Variants in EYS observed in about 807,000 individuals in gnomAD.
The protein encoded by EYS is protein eyes shut homolog.
EYS carries 250 observed loss-of-function variants against 282.1 expected under a neutral mutation model. The ratio of observed to expected loss-of-function variants is 0.89; its 90% CI spans 0.80 to 0.98. The LOEUF is 0.98. Ranked by LOEUF, EYS falls within the 50% of genes least tolerant of loss-of-function variation. EYS has a pLI of 0.00. For synonymous variants in EYS, 1,355 were observed against 1,282.9 expected (o/e 1.06, Z -1.20); for missense variants, 4,016 against 3,709.0 (o/e 1.08, Z -2.15).
At chr6:63,788,863 C>G (rs969138521) in intron 38 of EYS, among the ~76,000 whole-genome samples, 195 bp downstream of exon 38, 3 of 152,224 alleles carry the variant, frequency 2.0e-5, no homozygotes, top group Non-Finnish European at 4.4e-5. Flanking sequence ...TCACCCTTAT[C>G]TGTGTTAGTA....
intron 39 of EYS, among the ~76,000 whole-genome samples, chr6:63,784,824 G>T (rs991246014): frequency 6.6e-6 from 1 of 152,102 alleles, no homozygotes; most frequent in East Asian, 1.9e-4. Context: ...GAGTTGACAG[G>T]GTGTCTGTTG....
intron 1 of EYS, among the ~76,000 whole-genome samples, chr6:65,662,378 G>T (rs192876650): frequency 6.6e-6 from 1 of 152,106 alleles, no homozygotes; most frequent in Admixed American, 6.5e-5. Flanking sequence ...CATTAAGGAT[G>T]AGCTTGATAT....
At position 63,806,354 on chromosome 6, in the gene EYS, G is replaced by C. The variant is rs1355664698; in HGVS notation, c.7247C>G (p.Pro2416Arg). ...LCTDAINITQ[P>R]RFSGTDAFGY... ...AAAGGCATCTGTGCCACTGAACCTTGGCTGAGTAATATTAATAGCTGTGAA... is the reference window on the plus strand; with the variant it reads ...AAAGGCATCTGTGCCACTGAACCTTCGCTGAGTAATATTAATAGCTGTGAA... Residue 2416 changes from proline to arginine, a missense_variant, in exon 37 of 43, where the codon CCA (proline) becomes CGA (arginine). By Grantham distance (103) the Pro-to-Arg change is moderately radical. Coordinates refer to ENST00000503581, the MANE Select transcript of EYS (RefSeq NM_001142800.2). The C allele has an allele frequency of 7.1e-6, 11 of 1,546,758 alleles. No homozygotes were observed. Among genetic ancestry groups the C allele is most frequent in the Non-Finnish European group, 8.7e-6 (10 of 1,144,046 alleles).
intron 1 of EYS, among the ~76,000 whole-genome samples, chr6:65,696,613 C>T (rs940326222): frequency 3.3e-5 from 5 of 151,818 alleles, no homozygotes; most frequent in Non-Finnish European, 4.4e-5. Flanking sequence ...ATATGGAAAC[C>T]TCTTCAAATT....
rs187016189 is a variant in EYS, at chr6:65,112,200, C to T, written c.2024-54473G>A. Among the ~76,000 whole-genome samples the T allele has an allele frequency of 2.6e-3, 400 of 151,984 alleles. 4 individuals carry two copies. The highest frequency in any genetic ancestry group is 1.7e-3 in the Non-Finnish European group (118 of 67,970). ...GGATACTAATAATCATGAACATTCC[C>T]GAGTATGCAAAATGACAACCTAATC... On this transcript the variant is annotated intron_variant, in intron 12 of 42. Coordinates refer to ENST00000503581, the MANE Select transcript of EYS (RefSeq NM_001142800.2).
intron 31 of EYS, among the ~76,000 whole-genome samples, chr6:64,138,195 A>AG (rs1774227156): frequency 6.6e-6 from 1 of 152,246 alleles, no homozygotes; most frequent in Non-Finnish European, 1.5e-5. Context: ...GTGAGCTGTA[A>AG]GTCGTAGACG....
chr6:64,767,196 G>C (rs147876436), intron 22 of EYS, among the ~76,000 whole-genome samples: 46 of 151,968 alleles, frequency 3.0e-4, no homozygotes, highest in African/African-American at 1.1e-3. Context: ...GTGATGTTTT[G>C]ATGTATGTAA....
At position 65,335,150 on chromosome 6, in the gene EYS, T is replaced by C. The variant is rs1582153772; in HGVS notation, c.1600-4A>G. The C allele has an allele frequency of 2.5e-6, 4 of 1,597,030 alleles. No individual in the cohort carries two copies. The highest frequency in any genetic ancestry group is 3.4e-6 in the Non-Finnish European group (4 of 1,165,882). On this transcript the variant is annotated splice_polypyrimidine_tract_variant and splice_region_variant and intron_variant, in intron 10 of 42. Transcript: ENST00000503581. Reference sequence around the variant, plus strand: ...AACTGCATCCATTTGCACAAATCTATAGCAACGAAAGAAGTAAAAATGTTA... The same window carrying C: ...AACTGCATCCATTTGCACAAATCTACAGCAACGAAAGAAGTAAAAATGTTA...
At chr6:65,096,587 A>G (rs922811217) in intron 12 of EYS, among the ~76,000 whole-genome samples, 3 of 151,022 alleles carry the variant, frequency 2.0e-5, no homozygotes, top group Non-Finnish European at 4.5e-5. Context: ...CAGAATTCAG[A>G]TATTACAAAG....
chr6:64,094,467 T>C (rs1207184930), intron 31 of EYS, among the ~76,000 whole-genome samples: 2 of 152,168 alleles, frequency 1.3e-5, no homozygotes, highest in African/African-American at 4.8e-5. Context: ...TTCCACTTCT[T>C]CCTGATTTAG....
intron 35 of EYS, among the ~76,000 whole-genome samples, chr6:63,866,373 T>C (rs140863035): frequency 6.6e-6 from 1 of 152,278 alleles, no homozygotes; most frequent in Non-Finnish European, 1.5e-5. Context: ...TCTAGGAAAG[T>C]AGCATTCTTG....
At position 65,572,495 on chromosome 6, in the gene EYS, T is replaced by C. The variant is rs570100976; in HGVS notation, c.-333+67283A>G. Among the ~76,000 whole-genome samples, 235 of 152,096 alleles carry C rather than the reference T, an allele frequency of 1.5e-3. 1 individual carries two copies. Among genetic ancestry groups the C allele is most frequent in the Non-Finnish European group, 2.9e-3 (196 of 67,998 alleles). On this transcript the variant is annotated intron_variant, in intron 2 of 42. Coordinates refer to ENST00000503581, the MANE Select transcript of EYS (RefSeq NM_001142800.2). ...ATTTTTGTCACACATGAAAAATCGATGTGGGGAAGGATAAATTATATTTCT... is the reference window on the plus strand; with the variant it reads ...ATTTTTGTCACACATGAAAAATCGACGTGGGGAAGGATAAATTATATTTCT...
intron 12 of EYS, among the ~76,000 whole-genome samples, chr6:65,240,905 T>G (rs181280307): frequency 1.8e-4 from 27 of 152,348 alleles, no homozygotes; most frequent in Non-Finnish European, 2.8e-4. Flanking sequence ...CCATCAGCAG[T>G]GTATAAGCAT....
chr6:63,939,024 G>C (rs1765155046), intron 35 of EYS, among the ~76,000 whole-genome samples: 1 of 152,112 alleles, frequency 6.6e-6, no homozygotes, highest in African/African-American at 2.4e-5. Flanking sequence ...CAAGCTGTGG[G>C]GATTGAGCTC....
intron 15 of EYS, among the ~76,000 whole-genome samples, chr6:64,919,052 A>C (rs934275127): frequency 2.0e-5 from 3 of 152,216 alleles, no homozygotes; most frequent in Non-Finnish European, 4.4e-5. Context: ...TCTTAGGTAC[A>C]TATGTAGATT....
At chr6:65,554,483 C>A (rs977242801) in intron 2 of EYS, among the ~76,000 whole-genome samples, 5 of 152,150 alleles carry the variant, frequency 3.3e-5, no homozygotes, top group Admixed American at 2.6e-4. Flanking sequence ...CCTAGCCCAT[C>A]TTGTTTTGAA....
chr6:65,326,158 C>T (rs1769612676), intron 11 of EYS, among the ~76,000 whole-genome samples: 2 of 151,750 alleles, frequency 1.3e-5, no homozygotes, highest in Non-Finnish European at 2.9e-5. Flanking sequence ...GAGTGTATAC[C>T]TTTATAAATT....
chr6:63,801,609 A>G (rs537395398), intron 37 of EYS, among the ~76,000 whole-genome samples: 1 of 152,208 alleles, frequency 6.6e-6, no homozygotes, highest in African/African-American at 2.4e-5. Flanking sequence ...TAAGATGTAC[A>G]TTACAAGAGA....
In EYS at chr6:65,283,157, A is replaced by G. The variant is rs539826302; in HGVS notation, c.2023+12706T>C. 6.6e-5 allele frequency among the ~76,000 whole-genome samples: 10 copies of G among 152,096 alleles called. No individual in the cohort carries two copies. The South Asian group carries it at 1.9e-3, about 28-fold the overall frequency. On this transcript the variant is annotated intron_variant, in intron 12 of 42. Coordinates refer to ENST00000503581, the MANE Select transcript of EYS (RefSeq NM_001142800.2). Reference sequence around the variant, plus strand: ...TCTTTTTTCCCACAAAATTAAAACAATATGACTCAATATTATTTGTTAGTT... The same window carrying G: ...TCTTTTTTCCCACAAAATTAAAACAGTATGACTCAATATTATTTGTTAGTT...
Sources: gnomAD v4.1 joint callset for allele counts (sites outside exome capture counted in the v4.1 genomes callset) on GRCh38, gnomAD v4.1.1 for gene constraint, MANE v1.5 for transcripts, NCBI Gene and HGNC (gene_info 2026-07-23, HGNC 2026-07-21) for gene names.